The following PLA1A variants were observed in gnomAD, a reference collection of about 807,000 sequenced individuals.
The protein encoded by PLA1A is phospholipase A1 member A, also known as phosphatidylserine-specific phospholipase A1alpha.
A neutral mutation model predicts 49.4 loss-of-function variants in PLA1A; 47 were observed. That is an observed-to-expected ratio of 0.95 (90% CI 0.75 to 1.21). The LOEUF (loss-of-function observed/expected upper bound fraction) is 1.21. Among genes scored for constraint, PLA1A ranks in the 50% most tolerant of loss-of-function variants. PLA1A has a pLI of 0.00. For synonymous variants in PLA1A, 224 were observed against 207.9 expected (o/e 1.08, Z -0.67); for missense variants, 561 against 563.9 (o/e 0.99, Z 0.05).
intron 7 of PLA1A, among the ~76,000 whole-genome samples, 164 bp from the exon 8 acceptor site, chr3:119,619,399 G>T (rs2082897000): frequency 6.6e-6 from 1 of 152,206 alleles, no homozygotes. Flanking sequence ...GGACCGAGTT[G>T]CTGGGATCCC....
intron 6 of PLA1A, among the ~76,000 whole-genome samples, chr3:119,617,314 G>A (rs890713023): frequency 2.6e-5 from 4 of 152,148 alleles, no homozygotes; most frequent in Non-Finnish European, 5.9e-5. Context: ...GTATAATGAG[G>A]TTGTAAAAAA....
Position 119,619,729 on chromosome 3 carries a change from G to A in PLA1A, c.1012+77G>A, listed in dbSNP as rs142086258. The A allele has an allele frequency of 1.6e-4, 165 of 1,007,612 alleles. No homozygotes were observed. In the African/African-American group the frequency reaches 1.8e-3, roughly 11 times the overall value. The allele number at this position is 1,007,612 out of a possible 1,614,324, so 62.4% of individuals were successfully genotyped here. A position where few individuals can be genotyped will look rare whatever the true frequency, so the allele number is the denominator to read the frequency against. ...AGTCCAGCCCAGTGTGGTAGCCTGG[G>A]TGGGAGTGAATGATAAGAGCAAAGG... On this transcript the variant is annotated intron_variant, in intron 8 of 10. Coordinates refer to ENST00000273371, the MANE Select transcript of PLA1A (RefSeq NM_015900.4).
At chr3:119,598,138 T>C in intron 1 of PLA1A, 152 bp downstream of exon 1, 1 of 510,870 alleles carries the variant, frequency 2.0e-6, no homozygotes, top group Non-Finnish European at 3.5e-6. Context: ...AAAAACCCCT[T>C]TTATCATAAT....
chr3:119,608,849 G>T lies in PLA1A; in HGVS notation c.355G>T (p.Val119Leu). 1 of 1,613,240 alleles carries T rather than the reference G, an allele frequency of 6.2e-7. No individual in the cohort carries two copies. The highest frequency in any genetic ancestry group is 1.1e-5 in the South Asian group (1 of 91,064). Residue 119 changes from valine to leucine, a missense_variant, in exon 3 of 11, where the codon GTG becomes TTG. Coordinates refer to ENST00000273371, the MANE Select transcript of PLA1A (RefSeq NM_015900.4). ...LRATNANVIA[V>L]DWIYGSTGVY... ...TGCAACGAATGCTAATGTGATTGCC[G>T]TGGACTGGATTTATGGGTCTACAGG... is the stretch of plus-strand genomic sequence containing the variant.
intron 8 of PLA1A, among the ~76,000 whole-genome samples, 182 bp from the exon 9 acceptor site, chr3:119,624,942 T>A (rs1031419591): frequency 3.3e-5 from 5 of 152,242 alleles, no homozygotes; most frequent in Non-Finnish European, 7.3e-5. Context: ...AGTGTCTATT[T>A]TTATTATCCT....
intron 8 of PLA1A, chr3:119,620,112 G>T: frequency 2.2e-6 from 1 of 457,040 alleles, no homozygotes; most frequent in Non-Finnish European, 4.4e-6. Context: ...CCTAACCATG[G>T]CATTTCCTTG....
intron 8 of PLA1A, among the ~76,000 whole-genome samples, chr3:119,622,097 A>AAGAAGAAGAAGGAGAAGG (rs1333229201): frequency 6.8e-6 from 1 of 148,076 alleles, no homozygotes; most frequent in African/African-American, 2.5e-5. Flanking sequence ...AAAGAAGAAG[A>AAGAAGAAGAAGGAGAAGG]AGAAGAAGAA....
intron 2 of PLA1A, among the ~76,000 whole-genome samples, chr3:119,608,242 GA>G (rs2082717119): frequency 8.1e-6 from 1 of 123,730 alleles, no homozygotes; most frequent in African/African-American, 3.1e-5. Context: ...GAAAGAAAGA[GA>G]GAAAGAAAGA....
At chr3:119,613,577 C>A (rs2082799229) in intron 5 of PLA1A, among the ~76,000 whole-genome samples, 1 of 152,194 alleles carries the variant, frequency 6.6e-6, no homozygotes, top group South Asian at 2.1e-4. Flanking sequence ...AAGCTTGGCC[C>A]TTCAGTCCAG....
At chr3:119,619,901 A>G (rs1352086263) in intron 8 of PLA1A, among the ~76,000 whole-genome samples, 1 of 152,132 alleles carries the variant, frequency 6.6e-6, no homozygotes, top group Non-Finnish European at 1.5e-5. Flanking sequence ...TTTACCCTCT[A>G]GTGGGTCTTC....
intron 8 of PLA1A, 61 bp from the exon 9 acceptor site, chr3:119,625,063 G>T (rs950527221): frequency 1.6e-5 from 16 of 989,598 alleles, no homozygotes; most frequent in Middle Eastern, 4.4e-4. Flanking sequence ...TGCTCTCTGG[G>T]GTTTTTGCCC....
intron 1 of PLA1A, among the ~76,000 whole-genome samples, chr3:119,602,483 A>G (rs2082630426): frequency 6.6e-6 from 1 of 152,012 alleles, no homozygotes; most frequent in Admixed American, 6.5e-5. Flanking sequence ...TACTGTCTGT[A>G]TTTATATACC....
chr3:119,603,275 T>C (rs1577135796), intron 1 of PLA1A, among the ~76,000 whole-genome samples: 1 of 152,216 alleles, frequency 6.6e-6, no homozygotes, highest in East Asian at 1.9e-4. Flanking sequence ...CTGTGAGAGA[T>C]GATGGTGGCT....
rs771903126 is a variant in PLA1A at position 119,608,833 on chromosome 3, T to A, written c.339T>A (p.Asn113Lys). The change falls in exon 3 of 11, where the codon AAT becomes AAA. Residue 113 changes from asparagine (N) to lysine (K), a missense_variant. Asn to Lys is a moderately conservative substitution (Grantham distance 94). Transcript: ENST00000273371. The stretch of plus-strand genomic sequence containing the variant: ...TTAGAACCCTTCTGCGTGCAACGAA[T>A]GCTAATGTGATTGCCGTGGACTGGA... ...TFIRTLLRATNANVIAVDWIY... is the reference protein window; with the variant it reads ...TFIRTLLRATKANVIAVDWIY... 3 of 1,613,798 alleles carry A rather than the reference T, an allele frequency of 1.9e-6. No individual in the cohort carries two copies. In the South Asian group the frequency reaches 3.3e-5, roughly 18 times the overall value.
chr3:119,616,668 T>G (rs1414854160), intron 6 of PLA1A, among the ~76,000 whole-genome samples: 1 of 152,246 alleles, frequency 6.6e-6, no homozygotes, highest in Non-Finnish European at 1.5e-5. Context: ...TTACTATGTT[T>G]TTAGTCTTTT....
chr3:119,610,440 C>T (rs1249043280), intron 4 of PLA1A, among the ~76,000 whole-genome samples: 2 of 152,160 alleles, frequency 1.3e-5, no homozygotes, highest in African/African-American at 4.8e-5. Context: ...ACATTCCCAC[C>T]AACAGTGTAT....
intron 8 of PLA1A, among the ~76,000 whole-genome samples, chr3:119,620,762 C>T (rs539405112): frequency 6.6e-5 from 10 of 152,270 alleles, no homozygotes; most frequent in African/African-American, 2.4e-4. Flanking sequence ...TTTTGGCTAC[C>T]TCTTAGGAGC....
chr3:119,618,256 T>A, intron 7 of PLA1A, 70 bp downstream of exon 7: 1 of 1,297,594 alleles, frequency 7.7e-7, no homozygotes, highest in Non-Finnish European at 1.1e-6. Flanking sequence ...TGTCCCCTCT[T>A]AATGTCCTGA....
chr3:119,617,349 G>C (rs140270537), intron 6 of PLA1A, among the ~76,000 whole-genome samples: 109 of 152,242 alleles, frequency 7.2e-4, no homozygotes, highest in African/African-American at 2.5e-3. Flanking sequence ...GATGATAATG[G>C]AGGTAAAAAT....
Sources: allele counts gnomAD v4.1 joint callset (sites outside exome capture counted in the v4.1 genomes callset), GRCh38; gene constraint gnomAD v4.1.1; transcripts MANE v1.5; gene names NCBI Gene and HGNC (gene_info 2026-07-23, HGNC 2026-07-21).